The following LRRC14 variants were observed in gnomAD, a reference collection of about 807,000 sequenced individuals.
LRRC14 encodes the protein leucine-rich repeat-containing protein 14.
A neutral mutation model predicts 25.3 loss-of-function variants in LRRC14; 16 were observed. That is an observed-to-expected ratio of 0.63 (90% CI 0.43 to 0.96). The LOEUF is 0.96. LRRC14 is among the 40% of genes least tolerant of loss of function. The pLI is 0.00. For synonymous variants in LRRC14, 359 were observed against 295.1 expected (o/e 1.22, Z -2.22); for missense variants, 594 against 660.5 (o/e 0.90, Z 1.10).
chr8:144,521,433 C>A lies in LRRC14; in HGVS notation c.1437C>A (p.Thr479=). The A allele has an allele frequency of 6.2e-7, 1 of 1,608,866 alleles. No individual in the cohort carries two copies. Among genetic ancestry groups the A allele is most frequent in the Non-Finnish European group, 8.5e-7 (1 of 1,179,830 alleles). ...CAGGCCGTGCCCATGTGCTCTGGACCACGGACATCTACGGGCGACTGGCTG... is the reference window on the plus strand; with the variant it reads ...CAGGCCGTGCCCATGTGCTCTGGACAACGGACATCTACGGGCGACTGGCTG... ...LASGRAHVLW[T]TDIYGRLAAD... The change falls in exon 4 of 4, where the codon ACC becomes ACA. Residue 479 remains threonine (T), a synonymous_variant. Transcript: ENST00000292524.
chr8:144,524,355 C>T lies in LRRC14; in HGVS notation c.*2877C>T, dbSNP rs373022847. The T allele has an allele frequency of 5.1e-4, 815 of 1,595,566 alleles. 6 individuals are homozygous for T. In the South Asian group the frequency reaches 8.4e-3, roughly 16 times the overall value. ...ATGTCTCTCTTCTTACCAAGCTAGA[C>T]TGGGTTGCCTTTTCTAACTATTCCA... On this transcript the variant is annotated 3_prime_UTR_variant, in exon 4 of 4. Coordinates refer to ENST00000292524, the MANE Select transcript of LRRC14 (RefSeq NM_014665.4).
In LRRC14 at chr8:144,523,629, G is replaced by C; in HGVS notation, c.*2151G>C. ...CCCTTTAGCTCTGTGATGCCTGCCT[G>C]TTACAGATCACTTCTCCGTCGGTCT... On this transcript the variant is annotated 3_prime_UTR_variant, in exon 4 of 4. Coordinates refer to ENST00000292524, the MANE Select transcript of LRRC14 (RefSeq NM_014665.4). The C allele has an allele frequency of 1.7e-6, 1 of 574,836 alleles. No individual in the cohort carries two copies. Among genetic ancestry groups the C allele is most frequent in the Non-Finnish European group, 2.7e-6 (1 of 366,776 alleles). 35.6% of individuals were successfully genotyped at this position (574,836 alleles called of 1,614,324 possible).
At position 144,521,190 on chromosome 8, in the gene LRRC14, T is replaced by C. The variant is rs1816018178; in HGVS notation, c.1194T>C (p.Leu398=). The C allele has an allele frequency of 1.2e-6, 2 of 1,613,108 alleles. No homozygotes were observed. The highest frequency in any genetic ancestry group is 8.5e-7 in the Non-Finnish European group (1 of 1,180,018). ...ILTQCASLRY[L]GLYGNPLSMA... is the part of the protein sequence containing the mutation. ...CTCAGTGCGCCAGTCTCCGGTACCTTGGCCTCTATGGCAACCCACTGTCCA... is the reference window on the plus strand; with the variant it reads ...CTCAGTGCGCCAGTCTCCGGTACCTCGGCCTCTATGGCAACCCACTGTCCA... The change falls in exon 4 of 4, where the codon CTT becomes CTC. Residue 398 remains leucine, a synonymous_variant. Transcript: ENST00000292524.
In LRRC14 at chr8:144,517,994, C is replaced by G. The variant is rs1209970064; in HGVS notation, c.-159C>G. ...CGCCGCGGCGCCGGGCGGGGAGCGG[C>G]GGACGGTCTAGGCGGGGCTGGAGGC... On this transcript the variant is annotated 5_prime_UTR_variant, in exon 1 of 4. Transcript: ENST00000292524. 1 of 250,590 alleles carries G rather than the reference C, an allele frequency of 4.0e-6. No homozygotes were observed. The highest frequency in any genetic ancestry group is 6.8e-6 in the Non-Finnish European group (1 of 146,614). 15.5% of individuals were successfully genotyped at this position (250,590 alleles called of 1,614,324 possible).
Position 144,522,527 on chromosome 8 carries a change from G to T in LRRC14, c.*1049G>T. 1.3e-6 allele frequency: 2 copies of T among 1,512,682 alleles called. No homozygotes were observed. The highest frequency in any genetic ancestry group is 1.8e-6 in the Non-Finnish European group (2 of 1,132,908). The allele number at this position is 1,512,682 out of a possible 1,614,324, so 93.7% of individuals were successfully genotyped here. On this transcript the variant is annotated 3_prime_UTR_variant, in exon 4 of 4. Coordinates refer to ENST00000292524, the MANE Select transcript of LRRC14 (RefSeq NM_014665.4). ...CGGGGGCACGCGGAGTCCCGGCCCC[G>T]CCCCCTGTTCCGGGCCGCAGTCAGC...
In LRRC14 at chr8:144,520,343, C is replaced by G; in HGVS notation, c.435C>G (p.Arg145=). Residue 145 remains arginine (R), a synonymous_variant, in exon 3 of 4, where the codon CGC becomes CGG. Transcript: ENST00000292524. ...SMWDCTAAVA[R]TCIAQQQGGA... is the part of the protein sequence containing the mutation. ...GGGACTGTACTGCTGCCGTAGCTCG[C>G]ACATGCATTGCCCAGCAGCAGGGTG... 2 of 1,612,272 alleles carry G rather than the reference C, an allele frequency of 1.2e-6. No homozygotes were observed. Among genetic ancestry groups the G allele is most frequent in the Non-Finnish European group, 1.7e-6 (2 of 1,179,900 alleles).
chr8:144,521,663 T>G lies in LRRC14; in HGVS notation c.*185T>G, dbSNP rs1373952270. The G allele has an allele frequency of 4.8e-6, 3 of 621,634 alleles. No individual in the cohort carries two copies. Among genetic ancestry groups the G allele is most frequent in the Non-Finnish European group, 8.3e-6 (3 of 360,062 alleles). The allele number at this position is 621,634 out of a possible 1,614,324, so 38.5% of individuals were successfully genotyped here. On this transcript the variant is annotated 3_prime_UTR_variant, in exon 4 of 4. Coordinates refer to ENST00000292524, the MANE Select transcript of LRRC14 (RefSeq NM_014665.4). Reference sequence around the variant, plus strand: ...CTGCAGTGCCCCACGCGGTTTTCCCTGCACTTGCTCCATAATTGGCTGATC... The same window carrying G: ...CTGCAGTGCCCCACGCGGTTTTCCCGGCACTTGCTCCATAATTGGCTGATC...
rs1311980589 is a variant in LRRC14, at chr8:144,519,844, T to G, written c.119T>G (p.Met40Arg). The G allele has an allele frequency of 7.4e-6, 12 of 1,613,574 alleles. No homozygotes were observed. Among genetic ancestry groups the G allele is most frequent in the Non-Finnish European group, 1.0e-5 (12 of 1,180,036 alleles). ...LFPLLFKVAF[M>R]DKKTVVLREL... is the part of the protein sequence containing the mutation. Reference sequence around the variant, plus strand: ...CCCCTGCTGTTCAAGGTGGCCTTCATGGACAAGAAGACAGTGGTACTGCGC... The same window carrying G: ...CCCCTGCTGTTCAAGGTGGCCTTCAGGGACAAGAAGACAGTGGTACTGCGC... The change falls in exon 2 of 4, where the codon ATG becomes AGG. Residue 40 changes from methionine to arginine, a missense_variant. Coordinates refer to ENST00000292524, the MANE Select transcript of LRRC14 (RefSeq NM_014665.4).
chr8:144,523,303 C>T lies in LRRC14; in HGVS notation c.*1825C>T, dbSNP rs141736827. 2.8e-4 allele frequency: 458 copies of T among 1,610,910 alleles called. 4 individuals are homozygous for T. The East Asian group carries it at 0.01, about 36-fold the overall frequency. On this transcript the variant is annotated 3_prime_UTR_variant, in exon 4 of 4. Transcript: ENST00000292524. ...GACTCTGGAGCGCCAGGCGCGGGGG[C>T]TCTGCACACATGATCTTCCTGTCCC...
rs1253325552 is a variant in LRRC14, at chr8:144,520,745, G to A, written c.837G>A (p.Gln279=). 5 of 1,598,856 alleles carry A rather than the reference G, an allele frequency of 3.1e-6. No homozygotes were observed. The South Asian group carries it at 5.5e-5, about 18-fold the overall frequency. The change falls in exon 3 of 4, where the codon CAG becomes CAA. Residue 279 remains glutamine (Q), a synonymous_variant. Transcript: ENST00000292524. ...GEDNFRYFLA[Q]MGRFTCLREL... is the part of the protein sequence containing the mutation. Reference sequence around the variant, plus strand: ...ACAACTTCCGCTACTTCCTTGCCCAGATGGGCCGCTTCACCTGTCTGCGTG... The same window carrying A: ...ACAACTTCCGCTACTTCCTTGCCCAAATGGGCCGCTTCACCTGTCTGCGTG...
In LRRC14 at chr8:144,525,088, G is replaced by C. The variant is rs758520079; in HGVS notation, c.*3610G>C. 2 of 1,195,042 alleles carry C rather than the reference G, an allele frequency of 1.7e-6. No homozygotes were observed. Among genetic ancestry groups the C allele is most frequent in the Non-Finnish European group, 2.2e-6 (2 of 920,870 alleles). The allele number at this position is 1,195,042 out of a possible 1,614,324, so 74.0% of individuals were successfully genotyped here. On this transcript the variant is annotated 3_prime_UTR_variant, in exon 4 of 4. Coordinates refer to ENST00000292524, the MANE Select transcript of LRRC14 (RefSeq NM_014665.4). Reference sequence around the variant, plus strand: ...GCAGTCGAGAGCCAGCCAATAGATGGAATGGAGGCCTGCACCTGCGTCTAA... The same window carrying C: ...GCAGTCGAGAGCCAGCCAATAGATGCAATGGAGGCCTGCACCTGCGTCTAA...
intron 1 of LRRC14, chr8:144,518,610 G>A (rs1019042369): frequency 1.1e-4 from 17 of 152,290 alleles, no homozygotes; most frequent in Non-Finnish European, 1.3e-4. Context: ...GGTGCCTTAA[G>A]GACTTACTTG....
rs1473520848 is a variant in LRRC14, at chr8:144,524,898, G to T, written c.*3420G>T. On this transcript the variant is annotated 3_prime_UTR_variant, in exon 4 of 4. Transcript: ENST00000292524. ...CACCGTGGCGCTGTAGCAGCGGCAG[G>T]CTGCTGGGCAGCCGGCGGCGCGGAG... 6.6e-6 allele frequency: 10 copies of T among 1,515,198 alleles called. No individual in the cohort carries two copies. Among genetic ancestry groups the T allele is most frequent in the East Asian group, 5.0e-5 (2 of 40,092 alleles). 93.9% of individuals were successfully genotyped at this position (1,515,198 alleles called of 1,614,324 possible). A position where few individuals can be genotyped will look rare whatever the true frequency, so the allele number is the denominator to read the frequency against.
In LRRC14 at chr8:144,520,422, C is replaced by G; in HGVS notation, c.514C>G (p.Arg172Gly). The change falls in exon 3 of 4, where the codon CGG becomes GGG. Residue 172 changes from arginine to glycine, a missense_variant. By Grantham distance (125) the Arg-to-Gly change is moderately radical. Transcript: ENST00000292524. ...PIPVEVRVDL[R>G]VNRASYAFLR... is the part of the protein sequence containing the mutation. ...CCCCGTGGAGGTGCGCGTGGACCTG[C>G]GGGTGAACCGGGCCTCCTATGCGTT... 1 of 1,600,558 alleles carries G rather than the reference C, an allele frequency of 6.2e-7. No homozygotes were observed. The highest frequency in any genetic ancestry group is 1.1e-5 in the South Asian group (1 of 90,672).
rs1346180392 is a variant in LRRC14 at position 144,524,558 on chromosome 8, G to C, written c.*3080G>C. Reference sequence around the variant, plus strand: ...CGCTGCGCAAGCCGCGCAGCCGGTTGCTAGTGAGCGCCAGCTCCAGCAGGC... The same window carrying C: ...CGCTGCGCAAGCCGCGCAGCCGGTTCCTAGTGAGCGCCAGCTCCAGCAGGC... On this transcript the variant is annotated 3_prime_UTR_variant, in exon 4 of 4. Transcript: ENST00000292524. 8 of 1,570,510 alleles carry C rather than the reference G, an allele frequency of 5.1e-6. No homozygotes were observed. The highest frequency in any genetic ancestry group is 6.9e-6 in the Non-Finnish European group (8 of 1,166,658).
Position 144,523,773 on chromosome 8 carries a change from C to T in LRRC14, c.*2295C>T. On this transcript the variant is annotated 3_prime_UTR_variant, in exon 4 of 4. Coordinates refer to ENST00000292524, the MANE Select transcript of LRRC14 (RefSeq NM_014665.4). Reference sequence around the variant, plus strand: ...ACCTCACAAGTCCTCTCAGCCTTGCCTTTGGATGCCCTCTCTTGGGAATGT... The same window carrying T: ...ACCTCACAAGTCCTCTCAGCCTTGCTTTTGGATGCCCTCTCTTGGGAATGT... 1 of 414,408 alleles carries T rather than the reference C, an allele frequency of 2.4e-6. No homozygotes were observed. The highest frequency in any genetic ancestry group is 4.3e-6 in the Non-Finnish European group (1 of 233,566). 25.7% of individuals were successfully genotyped at this position (414,408 alleles called of 1,614,324 possible). A position where few individuals can be genotyped will look rare whatever the true frequency, so the allele number is the denominator to read the frequency against.
chr8:144,520,698 C>A lies in LRRC14; in HGVS notation c.790C>A (p.Gln264Lys), dbSNP rs1249062149. The change falls in exon 3 of 4, where the codon CAG (glutamine) becomes AAG (lysine). Residue 264 changes from glutamine to lysine, a missense_variant. By Grantham distance (53) the Gln-to-Lys change is moderately conservative. Coordinates refer to ENST00000292524, the MANE Select transcript of LRRC14 (RefSeq NM_014665.4). Reference protein sequence around the residue: ...RLHYVHGDSRQPSVDGEDNFR... With the variant: ...RLHYVHGDSRKPSVDGEDNFR... ...CCACTATGTGCATGGGGATTCAAGGCAGCCCTCCGTGGATGGCGAGGACAA... is the reference window on the plus strand; with the variant it reads ...CCACTATGTGCATGGGGATTCAAGGAAGCCCTCCGTGGATGGCGAGGACAA... The A allele has an allele frequency of 6.2e-7, 1 of 1,600,110 alleles. No individual in the cohort carries two copies. The highest frequency in any genetic ancestry group is 1.3e-5 in the African/African-American group (1 of 74,956).
rs1816232551 is a variant in LRRC14, at chr8:144,523,809, G to A, written c.*2331G>A. 2 of 461,470 alleles carry A rather than the reference G, an allele frequency of 4.3e-6. No individual in the cohort carries two copies. The highest frequency in any genetic ancestry group is 2.0e-5 in the African/African-American group (1 of 50,450). 28.6% of individuals were successfully genotyped at this position (461,470 alleles called of 1,614,324 possible). A position where few individuals can be genotyped will look rare whatever the true frequency, so the allele number is the denominator to read the frequency against. Reference sequence around the variant, plus strand: ...CTCTCTTGGGAATGTCCCCAGTCCTGGTCAGCTGTCTCTCTCCTTTGCAAT... The same window carrying A: ...CTCTCTTGGGAATGTCCCCAGTCCTAGTCAGCTGTCTCTCTCCTTTGCAAT... On this transcript the variant is annotated 3_prime_UTR_variant, in exon 4 of 4. Coordinates refer to ENST00000292524, the MANE Select transcript of LRRC14 (RefSeq NM_014665.4).
At position 144,521,434 on chromosome 8, in the gene LRRC14, A is replaced by G. The variant is rs1816047429; in HGVS notation, c.1438A>G (p.Thr480Ala). The G allele has an allele frequency of 1.9e-6, 3 of 1,607,880 alleles. No homozygotes were observed. Residue 480 changes from threonine to alanine, a missense_variant, in exon 4 of 4, where the codon ACG becomes GCG. Transcript: ENST00000292524. ...ASGRAHVLWT[T>A]DIYGRLAADY... ...AGGCCGTGCCCATGTGCTCTGGACC[A>G]CGGACATCTACGGGCGACTGGCTGC...
Sources: gnomAD v4.1 joint callset for allele counts on GRCh38, gnomAD v4.1.1 for gene constraint, MANE v1.5 for transcripts, NCBI Gene and HGNC (gene_info 2026-07-23, HGNC 2026-07-21) for gene names.